ADARB2: variants seen among roughly 807,000 people sequenced by gnomAD.
ADARB2 encodes the protein inactive double-stranded RNA-specific editase B2.
A neutral mutation model predicts 62.2 loss-of-function variants in ADARB2; 25 were observed. That is an observed-to-expected ratio of 0.40 (90% CI 0.29 to 0.56). The LOEUF is 0.56. Among genes scored for constraint, ADARB2 ranks in the 20% least tolerant of loss-of-function variants. ADARB2 has a pLI of 0.43. For missense variants in ADARB2, 1,071 were observed against 1,077.4 expected (o/e 0.99, Z 0.08); for synonymous variants, 572 against 500.8 (o/e 1.14, Z -1.90).
At position 1,179,291 on chromosome 10, in the gene ADARB2, T is replaced by G. The variant is rs1240303775; in HGVS notation, c.*3902A>C. 1.3e-5 allele frequency: 2 copies of G among 152,210 alleles called. No individual in the cohort carries two copies. The highest frequency in any genetic ancestry group is 3.8e-4 in the East Asian group (2 of 5,200). The allele number at this position is 152,210 out of a possible 1,614,324, so 9.4% of individuals were successfully genotyped here. A position where few individuals can be genotyped will look rare whatever the true frequency, so the allele number is the denominator to read the frequency against. On this transcript the variant is annotated 3_prime_UTR_variant, in exon 10 of 10. Transcript: ENST00000381312. Reference sequence around the variant, plus strand: ...AGATGGAGAAATATGATCTGTGTGTTTCTTTGAAAAGGAACCCAGCTTGAT... The same window carrying G: ...AGATGGAGAAATATGATCTGTGTGTGTCTTTGAAAAGGAACCCAGCTTGAT...
intron 3 of ADARB2, among the ~76,000 whole-genome samples, chr10:1,303,859 G>C (rs1188976706): frequency 6.6e-6 from 1 of 151,716 alleles, no homozygotes; most frequent in African/African-American, 2.4e-5. Flanking sequence ...TGCCCTAAAA[G>C]AGCTCCTGGA....
At chr10:1,285,810 T>A (rs1018629498) in intron 3 of ADARB2, among the ~76,000 whole-genome samples, 1 of 152,298 alleles carries the variant, frequency 6.6e-6, no homozygotes, top group East Asian at 1.9e-4. Flanking sequence ...CATGAATAAA[T>A]AAAATGTGCT....
intron 1 of ADARB2, among the ~76,000 whole-genome samples, chr10:1,720,106 C>T (rs1469024099): frequency 6.6e-6 from 1 of 152,176 alleles, no homozygotes; most frequent in East Asian, 1.9e-4. Context: ...TTCACAATAG[C>T]AAAGGCATGG....
chr10:1,367,788 GACCTTTGC>G (rs1216206746), intron 2 of ADARB2, among the ~76,000 whole-genome samples: 1 of 152,206 alleles, frequency 6.6e-6, no homozygotes, highest in Non-Finnish European at 1.5e-5. Context: ...GTTATTGCAT[GACCTTTGC>G]TGGATCTCAG....
intron 1 of ADARB2, among the ~76,000 whole-genome samples, chr10:1,457,393 G>A (rs1445315980): frequency 3.3e-5 from 5 of 152,068 alleles, no homozygotes; most frequent in Non-Finnish European, 7.4e-5. Flanking sequence ...CTCATCTCAG[G>A]GTCTTTGTCT....
In ADARB2 at chr10:1,340,051, T is replaced by C. The variant is rs370842444; in HGVS notation, c.1077+22977A>G. Among the ~76,000 whole-genome samples the C allele has an allele frequency of 1.8e-4, 28 of 152,030 alleles. No homozygotes were observed. In the South Asian group the frequency reaches 2.5e-3, roughly 14 times the overall value. ...CCCAGACAGCCTAGAGCCACGTGGG[T>C]CCGGAATTGAATCAGCACCCACCAG... On this transcript the variant is annotated intron_variant, in intron 3 of 9. Transcript: ENST00000381312.
intron 1 of ADARB2, among the ~76,000 whole-genome samples, chr10:1,508,804 A>T (rs1831884511): frequency 6.6e-6 from 1 of 152,194 alleles, no homozygotes; most frequent in Non-Finnish European, 1.5e-5. Flanking sequence ...AGAAGGAAAG[A>T]AGTCGTGCTT....
At chr10:1,364,169 T>C (rs11250464) in intron 2 of ADARB2, among the ~76,000 whole-genome samples, 42,587 of 152,176 alleles carry the variant, frequency 0.28, 6,711 homozygotes, top group Middle Eastern at 0.43. Flanking sequence ...CTGGCTCCTG[T>C]TTTAAGTGAG....
rs762547362 is a variant in ADARB2 at position 1,242,119 on chromosome 10, C to T, written c.1361+12G>A. 2 of 1,592,442 alleles carry T rather than the reference C, an allele frequency of 1.3e-6. No homozygotes were observed. The highest frequency in any genetic ancestry group is 1.7e-6 in the Non-Finnish European group (2 of 1,170,594). On this transcript the variant is annotated intron_variant, in intron 5 of 9. Coordinates refer to ENST00000381312, the MANE Select transcript of ADARB2 (RefSeq NM_018702.4). ...CGTCCGCCTTCCCTGGAGCCCGTCC[C>T]CAGCCGCTCACCTCAGGTGCAGCTC...
In ADARB2 at chr10:1,184,973, C is replaced by G. The variant is rs777784484; in HGVS notation, c.1931G>C (p.Gly644Ala). The G allele has an allele frequency of 7.4e-6, 12 of 1,613,704 alleles. No individual in the cohort carries two copies. In the African/African-American group the frequency reaches 1.6e-4, roughly 22 times the overall value. Residue 644 changes from glycine to alanine, a missense_variant, in exon 9 of 10, where the codon GGC (glycine) becomes GCC (alanine). By Grantham distance (60) the Gly-to-Ala change is moderately conservative (BLOSUM62 0). Coordinates refer to ENST00000381312, the MANE Select transcript of ADARB2 (RefSeq NM_018702.4). ...GTTGATAATCTCCAGGTCCGCGCTG[C>G]CCACGACCCAGTTCATGCTGAAGGG... ...SPPFSMNWVV[G>A]SADLEIINAT...
chr10:1,550,519 G>C (rs1413560214), intron 1 of ADARB2, among the ~76,000 whole-genome samples: 1 of 152,212 alleles, frequency 6.6e-6, no homozygotes, highest in Non-Finnish European at 1.5e-5. Context: ...CTCTCTAGTT[G>C]ATGAAAGCCG....
At chr10:1,663,565 A>C (rs1588343730) in intron 1 of ADARB2, among the ~76,000 whole-genome samples, 1 of 151,884 alleles carries the variant, frequency 6.6e-6, no homozygotes, top group East Asian at 1.9e-4. Flanking sequence ...GGCTTCTTTC[A>C]CTTAATAATG....
At position 1,364,871 on chromosome 10, in the gene ADARB2, ATTTTTTT is replaced by A. The variant is rs35539783; in HGVS notation, c.188-961_188-955del. On this transcript the variant is annotated intron_variant, in intron 2 of 9. Coordinates refer to ENST00000381312, the MANE Select transcript of ADARB2 (RefSeq NM_018702.4). Reference sequence around the variant, plus strand: ...TATGCCTCTGTGTCACATTTTGGTAATTTTTTTTTTTTTTTTTTTGCGACGGAATCTC... The same window carrying A: ...TATGCCTCTGTGTCACATTTTGGTAATTTTTTTTTTTTGCGACGGAATCTC... 4.7e-5 allele frequency among the ~76,000 whole-genome samples: 6 copies of A among 127,350 alleles called. No homozygotes were observed. The East Asian group carries it at 6.7e-4, about 14-fold the overall frequency. The allele number at this position is 127,350 out of a possible 152,430, so 83.5% of individuals were successfully genotyped here. A position where few individuals can be genotyped will look rare whatever the true frequency, so the allele number is the denominator to read the frequency against.
intron 1 of ADARB2, among the ~76,000 whole-genome samples, chr10:1,672,919 G>T (rs925454837): frequency 1.3e-5 from 2 of 152,214 alleles, no homozygotes; most frequent in African/African-American, 4.8e-5. Context: ...AAATCCATAG[G>T]AGGGAAACAC....
At chr10:1,726,656 T>C (rs1835168307) in intron 1 of ADARB2, among the ~76,000 whole-genome samples, 1 of 152,120 alleles carries the variant, frequency 6.6e-6, no homozygotes, top group South Asian at 2.1e-4. Flanking sequence ...GGATTTTTCA[T>C]GAGATAGGCA....
At chr10:1,402,174 A>G (rs574268354) in intron 1 of ADARB2, among the ~76,000 whole-genome samples, 83 of 152,328 alleles carry the variant, frequency 5.4e-4, no homozygotes, top group Non-Finnish European at 8.4e-4. Context: ...GACAGACCTC[A>G]TTTAGCCTGT....
At chr10:1,399,480 C>T (rs1832644029) in intron 1 of ADARB2, among the ~76,000 whole-genome samples, 1 of 152,044 alleles carries the variant, frequency 6.6e-6, no homozygotes, top group Non-Finnish European at 1.5e-5. Flanking sequence ...GCATTTCCCA[C>T]CTTTCCGACT....
intron 1 of ADARB2, among the ~76,000 whole-genome samples, chr10:1,505,931 T>C (rs1287041314): frequency 6.6e-6 from 1 of 152,274 alleles, no homozygotes; most frequent in African/African-American, 2.4e-5. Flanking sequence ...ATCCTTTTCC[T>C]TGACTTTTTC....
chr10:1,730,336 A>T (rs1835215163), intron 1 of ADARB2, among the ~76,000 whole-genome samples: 1 of 152,184 alleles, frequency 6.6e-6, no homozygotes, highest in Admixed American at 6.5e-5. Flanking sequence ...TCACCTTTGC[A>T]TCCCCACTGC....
Sources: gnomAD v4.1 joint callset for allele counts (sites outside exome capture counted in the v4.1 genomes callset) on GRCh38, gnomAD v4.1.1 for gene constraint, MANE v1.5 for transcripts, NCBI Gene and HGNC (gene_info 2026-07-23, HGNC 2026-07-21) for gene names.